The following RTN4 variants were observed in gnomAD, a reference collection of about 807,000 sequenced individuals.
RTN4 encodes the protein reticulon-4.
A neutral mutation model predicts 90.4 loss-of-function variants in RTN4; 32 were observed. The observed-to-expected ratio is 0.35, with a 90% CI of 0.27 to 0.48. RTN4 has a LOEUF of 0.48. Ranked by LOEUF, RTN4 falls within the 20% of genes least tolerant of loss-of-function variation. RTN4 has a pLI of 0.99. For synonymous variants in RTN4, 629 were observed against 552.5 expected, an observed-to-expected ratio of 1.14 and a Z score of -1.94; for missense variants, 1,706 against 1,430.2, an observed-to-expected ratio of 1.19 and a Z score of -3.11.
chr2:55,007,401 T>A (rs896991268), intron 3 of RTN4, among the ~76,000 whole-genome samples: 1 of 152,164 alleles, frequency 6.6e-6, no homozygotes, highest in African/African-American at 2.4e-5. Flanking sequence ...ACTTTAAAAC[T>A]TCCAAATCCT....
intron 1 of RTN4, among the ~76,000 whole-genome samples, chr2:55,044,873 G>A (rs1246969851): frequency 2.0e-5 from 3 of 147,822 alleles, no homozygotes; most frequent in Non-Finnish European, 4.5e-5. Context: ...CCATATCCAT[G>A]AGGAGTATAC....
At chr2:54,988,769 G>A (rs1346903298) in intron 3 of RTN4, among the ~76,000 whole-genome samples, 3 of 152,206 alleles carry the variant, frequency 2.0e-5, no homozygotes, top group Non-Finnish European at 2.9e-5. Context: ...TTTATTAATA[G>A]TAAGGAGTCA....
chr2:54,976,123 G>C (rs1040807736), intron 5 of RTN4, among the ~76,000 whole-genome samples: 2 of 152,214 alleles, frequency 1.3e-5, no homozygotes, highest in Non-Finnish European at 2.9e-5. Flanking sequence ...AAAGGGAAAA[G>C]TGTTGACCTT....
intron 1 of RTN4, among the ~76,000 whole-genome samples, chr2:55,039,241 TA>T (rs1682896873): frequency 1.3e-5 from 2 of 152,208 alleles, no homozygotes; most frequent in Admixed American, 6.5e-5. Context: ...TGTTGAAACT[TA>T]AAATTTATGC....
intron 1 of RTN4, among the ~76,000 whole-genome samples, chr2:55,038,399 A>C (rs1301128377): frequency 1.3e-5 from 2 of 152,180 alleles, no homozygotes; most frequent in Admixed American, 6.5e-5. Flanking sequence ...TATTCATAAT[A>C]TATAGAGAGA....
chr2:54,976,136 A>G (rs529592665), intron 5 of RTN4, among the ~76,000 whole-genome samples: 20 of 152,360 alleles, frequency 1.3e-4, no homozygotes, highest in Admixed American at 1.2e-3. Flanking sequence ...TTGACCTTCC[A>G]TATTTTAGAA....
intron 4 of RTN4, among the ~76,000 whole-genome samples, chr2:54,984,144 C>T (rs900684408): frequency 6.6e-6 from 1 of 152,196 alleles, no homozygotes; most frequent in African/African-American, 2.4e-5. Flanking sequence ...CTCACCCATA[C>T]ATAGAGCCTT....
At chr2:54,982,258 C>A (rs928889628) in intron 5 of RTN4, among the ~76,000 whole-genome samples, 8 of 151,844 alleles carry the variant, frequency 5.3e-5, no homozygotes, top group African/African-American at 1.9e-4. Flanking sequence ...ACCCGGCCCA[C>A]AAGTATGATT....
At chr2:55,127,276 A>T in the RTN4 span, among the ~76,000 whole-genome samples, 1 of 152,220 alleles carries the variant, frequency 6.6e-6, no homozygotes, top group Non-Finnish European at 1.5e-5. Context: ...ACAAGACAGG[A>T]CAAAAAGACT....
chr2:55,117,455 G>C (rs1185265091), upstream of RTN4, among the ~76,000 whole-genome samples: 1 of 152,108 alleles, frequency 6.6e-6, no homozygotes, highest in Non-Finnish European at 1.5e-5. Context: ...ATCCTGACTC[G>C]GCAGCATCCC....
At chr2:55,091,832 C>T (rs935732641) in intron 1 of RTN4, among the ~76,000 whole-genome samples, 8 of 90,608 alleles carry the variant, frequency 8.8e-5, no homozygotes, top group Admixed American at 4.0e-4. Flanking sequence ...TCTTACATGG[C>T]AGCGGCAAGA....
upstream of RTN4, among the ~76,000 whole-genome samples, chr2:55,051,711 A>T (rs142600278): frequency 3.3e-3 from 496 of 152,280 alleles, 4 homozygotes; most frequent in African/African-American, 0.012. Flanking sequence ...GCTAGGCTGA[A>T]ATTAGATGTG....
chr2:55,113,829 A>C (rs1471089689), upstream of RTN4, among the ~76,000 whole-genome samples: 1 of 152,174 alleles, frequency 6.6e-6, no homozygotes. Flanking sequence ...CCACCTGTCT[A>C]ATAGTCTGGT....
intron 3 of RTN4, among the ~76,000 whole-genome samples, chr2:55,007,653 C>T (rs542467206): frequency 6.6e-4 from 100 of 152,228 alleles, no homozygotes; most frequent in African/African-American, 2.3e-3. Context: ...CACCAGGATG[C>T]TTAATATGCA....
chr2:55,031,788 C>T (rs1682335492), intron 1 of RTN4, among the ~76,000 whole-genome samples: 1 of 152,128 alleles, frequency 6.6e-6, no homozygotes, highest in Admixed American at 6.5e-5. Flanking sequence ...AAAACAGAGA[C>T]GAACAGTTTA....
chr2:54,975,989 TAGTA>T (rs972593451), intron 5 of RTN4, among the ~76,000 whole-genome samples: 39 of 152,236 alleles, frequency 2.6e-4, no homozygotes, highest in African/African-American at 7.0e-4. Flanking sequence ...TGACTTCAGT[TAGTA>T]AGGCTTTTCT....
the RTN4 span, among the ~76,000 whole-genome samples, chr2:55,134,092 C>G: frequency 9.2e-5 from 14 of 152,218 alleles, no homozygotes; most frequent in East Asian, 2.7e-3. Flanking sequence ...AACTTCCAGA[C>G]GGTTGCCATG....
Position 54,981,453 on chromosome 2 carries a change from G to A in RTN4, c.3360+1062C>T, listed in dbSNP as rs1361262012. 2.6e-5 allele frequency among the ~76,000 whole-genome samples: 4 copies of A among 152,152 alleles called. No homozygotes were observed. In the East Asian group the frequency reaches 7.7e-4, roughly 29 times the overall value. On this transcript the variant is annotated intron_variant, in intron 5 of 8. Transcript: ENST00000337526. ...GGAAATGAAAAATGAAAAATTATGA[G>A]AATTACCACCACTACATTTCTGCCC...
intron 3 of RTN4, among the ~76,000 whole-genome samples, chr2:55,022,076 G>A (rs1011891371): frequency 3.3e-5 from 5 of 152,186 alleles, no homozygotes; most frequent in African/African-American, 1.2e-4. Flanking sequence ...TAAACTATTA[G>A]GCTATAGATT....
Sources: allele counts gnomAD v4.1 joint callset (sites outside exome capture counted in the v4.1 genomes callset), GRCh38; gene constraint gnomAD v4.1.1; transcripts MANE v1.5; gene names NCBI Gene and HGNC (gene_info 2026-07-23, HGNC 2026-07-21).